EPC2: variants seen among roughly 807,000 people sequenced by gnomAD.
EPC2 encodes the protein enhancer of polycomb 2.
Under a neutral mutation model 92.1 loss-of-function variants are expected in EPC2, and 14 were observed. The ratio of observed to expected loss-of-function variants is 0.15; its 90% CI spans 0.10 to 0.24. The LOEUF (loss-of-function observed/expected upper bound fraction) is 0.24, where lower values mean the gene tolerates loss of function less well. Ranked by LOEUF, EPC2 falls within the 10% of genes least tolerant of loss-of-function variation. The probability of loss-of-function intolerance (pLI) is 1.00; values close to 1 mark genes in which losing one functional copy is unlikely to be tolerated. For synonymous variants in EPC2, 340 were observed against 334.7 expected (o/e 1.02, Z -0.17); for missense variants, 755 against 971.5 (o/e 0.78, Z 2.96).
At chr2:148,785,737 GA>G (rs1421125995) in intron 13 of EPC2, among the ~76,000 whole-genome samples, 3 of 152,136 alleles carry the variant, frequency 2.0e-5, no homozygotes, top group Admixed American at 1.3e-4. Context: ...TACACAAAGG[GA>G]AAGTAAATTA....
In EPC2 at chr2:148,781,675, G is replaced by A; in HGVS notation, c.1752G>A (p.Gln584=). The change falls in exon 11 of 14, where the codon CAG becomes CAA. Residue 584 remains glutamine (Q), a synonymous_variant. Coordinates refer to ENST00000258484, the MANE Select transcript of EPC2 (RefSeq NM_015630.4). ...GGGGTATCACAGAAGAGCAGTTTCAGACACATCAGCAGCAGTTAGTTCAGA... is the reference window on the plus strand; with the variant it reads ...GGGGTATCACAGAAGAGCAGTTTCAAACACATCAGCAGCAGTTAGTTCAGA... ...VTGGITEEQF[Q]THQQQLVQMQ... 1 of 1,613,898 alleles carries A rather than the reference G, an allele frequency of 6.2e-7. No homozygotes were observed. Among genetic ancestry groups the A allele is most frequent in the Non-Finnish European group, 8.5e-7 (1 of 1,179,858 alleles).
intron 2 of EPC2, among the ~76,000 whole-genome samples, chr2:148,726,765 G>GTTTTTTTTTTTTTTTTT (rs201293391): frequency 8.9e-5 from 9 of 100,594 alleles, no homozygotes; most frequent in Admixed American, 1.0e-4. Context: ...TTTGTTTTTT[G>GTTTTTTTTTTTTTTTTT]TTTTTTTTTT....
intron 2 of EPC2, among the ~76,000 whole-genome samples, chr2:148,702,768 G>A (rs915316437): frequency 6.6e-6 from 1 of 152,106 alleles, no homozygotes; most frequent in Non-Finnish European, 1.5e-5. Flanking sequence ...TGTGGCCCAG[G>A]ACAGCTTTGA....
chr2:148,750,929 G>GCTGC lies in EPC2; in HGVS notation c.460-2997_460-2996insTGCC, dbSNP rs569194136. Among the ~76,000 whole-genome samples, 33 of 152,206 alleles carry GCTGC rather than the reference G, an allele frequency of 2.2e-4. No homozygotes were observed. In the East Asian group the frequency reaches 6.4e-3, roughly 29 times the overall value. ...CTTATCAACCCTGAACACAGTATAG[G>GCTGC]CAGTCCCAGATGGAAATTTGTCCTA... On this transcript the variant is annotated intron_variant, in intron 3 of 13. Transcript: ENST00000258484.
chr2:148,729,796 C>T (rs1682581887), intron 2 of EPC2, among the ~76,000 whole-genome samples: 1 of 152,178 alleles, frequency 6.6e-6, no homozygotes, highest in Non-Finnish European at 1.5e-5. Flanking sequence ...AGGCTCTGTC[C>T]TCTCTGTAAT....
chr2:148,712,376 C>T (rs1682164432), intron 2 of EPC2, among the ~76,000 whole-genome samples: 1 of 151,988 alleles, frequency 6.6e-6, no homozygotes, highest in Non-Finnish European at 1.5e-5. Flanking sequence ...TTTCTAATTC[C>T]TCCTTTCTGT....
At chr2:148,645,452 G>C (rs1160639629) in intron 1 of EPC2, 5 of 387,714 alleles carry the variant, frequency 1.3e-5, no homozygotes, top group African/African-American at 6.4e-5. Flanking sequence ...AATGGCGCAG[G>C]GGATGCGCTG....
chr2:148,770,859 A>G lies in EPC2; in HGVS notation c.1298A>G (p.Tyr433Cys), dbSNP rs201588815. 702 of 1,613,810 alleles carry G rather than the reference A, an allele frequency of 4.3e-4. No individual in the cohort carries two copies. Among genetic ancestry groups the G allele is most frequent in the Non-Finnish European group, 5.1e-4 (606 of 1,179,866 alleles). ...TTGGCAGATTTGGATAAGTTGAGGT[A>G]TAGGCATTGCCTTACAACACTTACA... ...SELADLDKLR[Y>C]RHCLTTLTVP... Residue 433 changes from tyrosine (Y) to cysteine (C), a missense_variant, in exon 9 of 14, where the codon TAT becomes TGT. Physicochemically the swap from Tyr to Cys is radical, Grantham distance 194. This residue lies in a region of EPC2 where 509 missense variants were observed against 607.7 expected (regional missense o/e 0.84). Coordinates refer to ENST00000258484, the MANE Select transcript of EPC2 (RefSeq NM_015630.4).
chr2:148,777,125 G>T (rs1233120512), intron 10 of EPC2, among the ~76,000 whole-genome samples: 2 of 151,780 alleles, frequency 1.3e-5, no homozygotes, highest in East Asian at 1.9e-4. Flanking sequence ...CTCCCAAAGT[G>T]CTGGGATTAC....
chr2:148,705,989 C>T (rs1038652546), intron 2 of EPC2, among the ~76,000 whole-genome samples: 5 of 152,224 alleles, frequency 3.3e-5, no homozygotes, highest in South Asian at 2.1e-4. Context: ...CAAAGCTGGA[C>T]GGAGAATGAC....
chr2:148,779,141 C>CA (rs11452418), intron 10 of EPC2, among the ~76,000 whole-genome samples: 22,913 of 151,896 alleles, frequency 0.15, 2,524 homozygotes, highest in East Asian at 0.46. Flanking sequence ...GGAGACACCC[C>CA]AAAAAACAGC....
At chr2:148,690,147 T>A (rs750460422) in intron 1 of EPC2, 67 bp from the exon 2 acceptor site, 5 of 1,416,898 alleles carry the variant, frequency 3.5e-6, no homozygotes, top group Non-Finnish European at 4.7e-6. Flanking sequence ...AAAGTAACTT[T>A]TATATAAAAT....
intron 3 of EPC2, among the ~76,000 whole-genome samples, chr2:148,745,202 C>G (rs144518058): frequency 6.6e-6 from 1 of 151,972 alleles, no homozygotes; most frequent in Non-Finnish European, 1.5e-5. Context: ...TCGCAGGCAT[C>G]AGGTAAAGTT....
intron 2 of EPC2, chr2:148,692,265 C>G (rs540147863): frequency 6.1e-6 from 1 of 164,958 alleles, no homozygotes; most frequent in African/African-American, 2.4e-5. Flanking sequence ...CTTTGCTTAT[C>G]GTAGTATCTT....
chr2:148,693,249 C>G (rs1681677984), intron 2 of EPC2, among the ~76,000 whole-genome samples: 1 of 152,064 alleles, frequency 6.6e-6, no homozygotes, highest in South Asian at 2.1e-4. Context: ...GAGAGAATCC[C>G]CATTCACTTG....
chr2:148,717,614 G>C (rs1421827569), intron 2 of EPC2, among the ~76,000 whole-genome samples: 1 of 152,104 alleles, frequency 6.6e-6, no homozygotes, highest in East Asian at 1.9e-4. Context: ...GACAGACTTT[G>C]TTATTATTTC....
chr2:148,728,926 GGAGGCT>G (rs1300476468), intron 2 of EPC2, among the ~76,000 whole-genome samples: 1 of 151,126 alleles, frequency 6.6e-6, no homozygotes, highest in Admixed American at 6.6e-5. Context: ...CAGCTACTCG[GGAGGCT>G]GAGGCAGGAG....
intron 2 of EPC2, chr2:148,691,513 T>C (rs1481996523): frequency 6.5e-7 from 1 of 1,549,620 alleles, no homozygotes; most frequent in Admixed American, 2.0e-5. Context: ...TTTCATTGAT[T>C]CTGAGATGCA....
Position 148,769,895 on chromosome 2 carries a change from G to A in EPC2, c.1230+655G>A, listed in dbSNP as rs146507266. On this transcript the variant is annotated intron_variant, in intron 8 of 13. Transcript: ENST00000258484. Reference sequence around the variant, plus strand: ...TACACTGACAGCTTTTTTAGAGTGTGTAAATTTAGGAGAGGTGGAGATTTG... The same window carrying A: ...TACACTGACAGCTTTTTTAGAGTGTATAAATTTAGGAGAGGTGGAGATTTG... Among the ~76,000 whole-genome samples the A allele has an allele frequency of 1.8e-4, 28 of 152,202 alleles. No homozygotes were observed. In the East Asian group the frequency reaches 4.4e-3, roughly 24 times the overall value.
Sources: gnomAD v4.1 joint callset for allele counts (sites outside exome capture counted in the v4.1 genomes callset) on GRCh38, gnomAD v4.1.1 for gene constraint, gnomAD v4.1.1 regional missense constraint, MANE v1.5 for transcripts, NCBI Gene and HGNC (gene_info 2026-07-23, HGNC 2026-07-21) for gene names.